The following MKLN1 variants were observed in gnomAD, a reference collection of about 807,000 sequenced individuals.
MKLN1 encodes muskelin 1.
Under a neutral mutation model 99.0 loss-of-function variants are expected in MKLN1, and 18 were observed. The ratio of observed to expected loss-of-function variants is 0.18; its 90% CI spans 0.13 to 0.27. MKLN1 has a LOEUF of 0.27. Among genes scored for constraint, MKLN1 ranks in the 10% least tolerant of loss-of-function variants. The pLI, the probability that MKLN1 is intolerant of heterozygous loss-of-function variation, is 1.00. For missense variants in MKLN1, 621 were observed against 875.9 expected (o/e 0.71, Z 3.67); for synonymous variants, 288 against 293.2 (o/e 0.98, Z 0.18).
In MKLN1 at chr7:131,282,126, G is replaced by GAA. The variant is rs1469045700; in HGVS notation, c.-179+79153_-179+79154insAA. ...GCACTTTGGGAGGCCAAGGCGGGTGGATTACCTGAGTTTGGGAGTTTGAGA... is the reference window on the plus strand; with the variant it reads ...GCACTTTGGGAGGCCAAGGCGGGTGGAAATTACCTGAGTTTGGGAGTTTGAGA... On this transcript the variant is annotated intron_variant, in intron 3 of 7. Transcript: ENST00000416992. Among the ~76,000 whole-genome samples, 326 of 152,074 alleles carry GAA rather than the reference G, an allele frequency of 2.1e-3. 1 individual carries two copies. The highest frequency in any genetic ancestry group is 3.9e-3 in the Admixed American group (60 of 15,280).
intron 12 of MKLN1, among the ~76,000 whole-genome samples, chr7:131,452,517 A>G (rs945919049): frequency 3.5e-5 from 5 of 142,532 alleles, no homozygotes; most frequent in African/African-American, 1.3e-4. Context: ...TATGGTCATA[A>G]CTCTTTATGT....
intron 2 of MKLN1, among the ~76,000 whole-genome samples, chr7:131,148,156 C>T (rs1380967594): frequency 6.6e-6 from 1 of 152,094 alleles, no homozygotes; most frequent in Non-Finnish European, 1.5e-5. Flanking sequence ...TCAAGTCATC[C>T]TCCCGCCTCA....
intron 3 of MKLN1, among the ~76,000 whole-genome samples, chr7:131,229,566 G>GTTT (rs1261630593): frequency 6.6e-6 from 1 of 151,898 alleles, no homozygotes; most frequent in Non-Finnish European, 1.5e-5. Context: ...TGTTGTTGTT[G>GTTT]TTTTGAGACA....
chr7:131,176,583 A>G (rs1401859541), intron 2 of MKLN1, among the ~76,000 whole-genome samples: 1 of 152,224 alleles, frequency 6.6e-6, no homozygotes, highest in East Asian at 1.9e-4. Flanking sequence ...CTGTGTCAAA[A>G]ATATTCACTG....
At chr7:131,236,444 C>T (rs149966080) in intron 3 of MKLN1, among the ~76,000 whole-genome samples, 219 of 152,168 alleles carry the variant, frequency 1.4e-3, no homozygotes, top group African/African-American at 4.7e-3. Context: ...GCAGATCACT[C>T]GAGGTCAGGT....
At chr7:131,404,955 C>A (rs1360447550) in intron 6 of MKLN1, among the ~76,000 whole-genome samples, 1 of 118,332 alleles carries the variant, frequency 8.5e-6, no homozygotes, top group Non-Finnish European at 1.8e-5. Flanking sequence ...CAAACACTTT[C>A]CAGTGTCTGA....
chr7:131,353,392 T>TG (rs1390727718), intron 1 of MKLN1, among the ~76,000 whole-genome samples: 1 of 152,150 alleles, frequency 6.6e-6, no homozygotes, highest in East Asian at 1.9e-4. Context: ...TCTGTATAAC[T>TG]GCTTACTGGA....
At chr7:131,128,261 T>C (rs1468104325) in intron 1 of MKLN1, among the ~76,000 whole-genome samples, 1 of 146,460 alleles carries the variant, frequency 6.8e-6, no homozygotes, top group Non-Finnish European at 1.5e-5. Context: ...CCAGGAAGAA[T>C]GGAATGCATT....
chr7:131,224,722 CA>C (rs879580618), intron 3 of MKLN1, among the ~76,000 whole-genome samples: 1 of 148,270 alleles, frequency 6.7e-6, no homozygotes, highest in Non-Finnish European at 1.5e-5. Flanking sequence ...GACCCTGTCT[CA>C]AAAAAAAACC....
intron 3 of MKLN1, among the ~76,000 whole-genome samples, chr7:131,235,951 C>T (rs543253260): frequency 1.3e-5 from 2 of 152,258 alleles, no homozygotes; most frequent in East Asian, 1.9e-4. Context: ...ATGCAGGCCC[C>T]GATGGGGAGT....
intron 2 of MKLN1, among the ~76,000 whole-genome samples, chr7:131,181,170 T>C (rs963919493): frequency 6.6e-6 from 1 of 152,196 alleles, no homozygotes; most frequent in Non-Finnish European, 1.5e-5. Context: ...TAATTAATGT[T>C]AAATCCACTA....
rs1162541010 is a variant in MKLN1, at chr7:131,437,909, A to G, written c.1085A>G (p.Tyr362Cys). ...RNSKSLKSDFYRYDIDTNTWM... is the reference protein window; with the variant it reads ...RNSKSLKSDFCRYDIDTNTWM... Reference sequence around the variant, plus strand: ...AGCAAATCTCTGAAAAGTGACTTCTATCGTTATGACATTGATACAAACACA... The same window carrying G: ...AGCAAATCTCTGAAAAGTGACTTCTGTCGTTATGACATTGATACAAACACA... The change falls in exon 10 of 18, where the codon TAT (tyrosine) becomes TGT (cysteine). Residue 362 changes from tyrosine to cysteine, a missense_variant. Around this residue, in one of 8 missense-constraint regions of MKLN1, gnomAD observed 361 missense variants for 540.8 expected, o/e 0.67. Coordinates refer to ENST00000352689, the MANE Select transcript of MKLN1 (RefSeq NM_013255.5). 4 of 1,613,950 alleles carry G rather than the reference A, an allele frequency of 2.5e-6. No individual in the cohort carries two copies. In the South Asian group the frequency reaches 3.3e-5, roughly 13 times the overall value.
At position 131,337,417 on chromosome 7, in the gene MKLN1, C is replaced by T. The variant is rs189921086; in HGVS notation, c.98+9420C>T. Among the ~76,000 whole-genome samples, 96 of 152,090 alleles carry T rather than the reference C, an allele frequency of 6.3e-4. 2 individuals are homozygous for T. The highest frequency in any genetic ancestry group is 2.0e-3 in the African/African-American group (83 of 41,494). ...TTATGATTTTTTTCCTCCTCTTATC[C>T]GTTCTGGATAGTTTTTACTTGACTG... On this transcript the variant is annotated intron_variant, in intron 1 of 17. Transcript: ENST00000352689.
At chr7:131,134,016 G>C (rs1177308674) in intron 1 of MKLN1, among the ~76,000 whole-genome samples, 1 of 151,460 alleles carries the variant, frequency 6.6e-6, no homozygotes, top group Non-Finnish European at 1.5e-5. Flanking sequence ...TTTTAGTGGA[G>C]ACGGGGTTTC....
At chr7:131,113,855 A>G (rs2082726) in intron 1 of MKLN1, among the ~76,000 whole-genome samples, 128,557 of 151,908 alleles carry the variant, frequency 0.85, 55,265 homozygotes, top group Non-Finnish European at 0.93. Context: ...TTCACAAGGC[A>G]GCAGGAGAGA....
chr7:131,409,071 TA>T (rs1360465519), intron 6 of MKLN1, among the ~76,000 whole-genome samples: 2 of 152,236 alleles, frequency 1.3e-5, no homozygotes, highest in African/African-American at 4.8e-5. Context: ...ACTTCTTCTT[TA>T]AACAGAAATA....
intron 2 of MKLN1, among the ~76,000 whole-genome samples, chr7:131,154,773 C>G (rs993691840): frequency 6.6e-6 from 1 of 152,086 alleles, no homozygotes; most frequent in African/African-American, 2.4e-5. Context: ...ATTCTTTACA[C>G]TTATATATAA....
chr7:131,147,332 A>G (rs1204266404), intron 2 of MKLN1, among the ~76,000 whole-genome samples: 4 of 151,588 alleles, frequency 2.6e-5, no homozygotes, highest in African/African-American at 7.3e-5. Flanking sequence ...GGCTGGGATT[A>G]TAGGTGTGAG....
At chr7:131,382,912 A>G (rs1056872445) in intron 2 of MKLN1, among the ~76,000 whole-genome samples, 5 of 151,886 alleles carry the variant, frequency 3.3e-5, no homozygotes, top group Non-Finnish European at 5.9e-5. Context: ...TTTAGTAGAG[A>G]CAGGGTTTCA....
Sources: allele counts gnomAD v4.1 joint callset (sites outside exome capture counted in the v4.1 genomes callset), GRCh38; gene constraint gnomAD v4.1.1; regional missense constraint gnomAD v4.1.1; transcripts MANE v1.5; gene names NCBI Gene and HGNC (gene_info 2026-07-23, HGNC 2026-07-21).